Variants in PRUNE2 observed in about 807,000 individuals in gnomAD.
PRUNE2 encodes protein prune homolog 2.
In PRUNE2, 164 loss-of-function variants were observed where a neutral mutation model predicts 252.0. That is an observed-to-expected ratio of 0.65 (90% confidence interval 0.57 to 0.74). PRUNE2 has a LOEUF of 0.74. Among genes scored for constraint, PRUNE2 ranks in the 30% least tolerant of loss-of-function variants. The pLI, the probability that PRUNE2 is intolerant of heterozygous loss-of-function variation, is 0.00. For missense variants in PRUNE2, 3,495 were observed against 3,711.0 expected (o/e 0.94, Z 1.51); for synonymous variants, 1,292 against 1,350.2 (o/e 0.96, Z 0.94).
chr9:76,644,626 T>C, intron 12 of PRUNE2, 113 bp downstream of exon 12: 2 of 956,216 alleles, frequency 2.1e-6, no homozygotes. Flanking sequence ...ATATTGGCTC[T>C]AGAATAGGGT....
intron 5 of PRUNE2, among the ~76,000 whole-genome samples, chr9:76,824,807 G>A (rs2131985720): frequency 6.6e-6 from 1 of 152,210 alleles, no homozygotes; most frequent in Non-Finnish European, 1.5e-5. Flanking sequence ...GAAACAGACA[G>A]GCACTAAATA....
chr9:76,739,395 C>T (rs533994609), intron 6 of PRUNE2: 41 of 152,096 alleles, frequency 2.7e-4, no homozygotes, highest in African/African-American at 9.4e-4. Flanking sequence ...ATAAATGACA[C>T]TATTAATAGT....
At chr9:76,870,976 T>C (rs1486184729) in intron 1 of PRUNE2, among the ~76,000 whole-genome samples, 6 of 152,234 alleles carry the variant, frequency 3.9e-5, no homozygotes, top group African/African-American at 1.2e-4. Context: ...GCAGCTACTA[T>C]GGATCATGTT....
chr9:76,874,416 G>T (rs2061377137), intron 1 of PRUNE2, among the ~76,000 whole-genome samples: 1 of 152,014 alleles, frequency 6.6e-6, no homozygotes, highest in South Asian at 2.1e-4. Flanking sequence ...TGTTACCGAT[G>T]GAAAGAAGAC....
intron 9 of PRUNE2, among the ~76,000 whole-genome samples, chr9:76,694,005 T>G (rs2045106093): frequency 6.6e-6 from 1 of 152,076 alleles, no homozygotes; most frequent in Admixed American, 6.6e-5. Context: ...AAAAATAACT[T>G]CGGAGCTGGT....
intron 11 of PRUNE2, among the ~76,000 whole-genome samples, chr9:76,645,375 A>G (rs979290273): frequency 6.6e-6 from 1 of 152,156 alleles, no homozygotes; most frequent in Non-Finnish European, 1.5e-5. Context: ...AATCGTGATG[A>G]TACTACAAGC....
intron 1 of PRUNE2, among the ~76,000 whole-genome samples, chr9:76,885,898 G>A (rs191379849): frequency 1.7e-3 from 253 of 152,060 alleles, no homozygotes; most frequent in African/African-American, 5.6e-3. Flanking sequence ...TATGCAATGC[G>A]GCCGGGTGCG....
At position 76,657,990 on chromosome 9, in the gene PRUNE2, C is replaced by T. The variant is rs1018281552; in HGVS notation, c.8277-2488G>A. 3.9e-5 allele frequency among the ~76,000 whole-genome samples: 6 copies of T among 152,122 alleles called. No homozygotes were observed. In the East Asian group the frequency reaches 5.8e-4, roughly 15 times the overall value. ...TTCTTCCCCCTGTGTTAGCATGCAC[C>T]GGGGGAAGAAAAATGCTGAAGGCTG... On this transcript the variant is annotated intron_variant, in intron 9 of 18. Coordinates refer to ENST00000376718, the MANE Select transcript of PRUNE2 (RefSeq NM_015225.3).
chr9:76,825,591 T>G (rs1021099503), intron 5 of PRUNE2, among the ~76,000 whole-genome samples: 2 of 152,244 alleles, frequency 1.3e-5, no homozygotes, highest in African/African-American at 4.8e-5. Context: ...TAAAGACATA[T>G]AGGCTGGGTT....
chr9:76,700,213 AAG>A (rs1564073804), intron 9 of PRUNE2: 1 of 152,250 alleles, frequency 6.6e-6, no homozygotes, highest in Non-Finnish European at 1.5e-5. Context: ...TTTGGCAGCT[AAG>A]AGAGGCTGAG....
chr9:76,804,325 C>G (rs1352066186), intron 6 of PRUNE2, among the ~76,000 whole-genome samples: 1 of 152,218 alleles, frequency 6.6e-6, no homozygotes, highest in Non-Finnish European at 1.5e-5. Flanking sequence ...GCCCCCGCCC[C>G]CTTCCTCACA....
At chr9:76,629,511 A>G (rs1037035567) in intron 15 of PRUNE2, among the ~76,000 whole-genome samples, 12 of 151,782 alleles carry the variant, frequency 7.9e-5, no homozygotes, top group East Asian at 3.9e-4. Context: ...TTAAATTGCC[A>G]TGTAAAAAAG....
intron 6 of PRUNE2, among the ~76,000 whole-genome samples, chr9:76,719,122 A>T (rs912497030): frequency 6.9e-6 from 1 of 145,170 alleles, no homozygotes; most frequent in Non-Finnish European, 1.5e-5. Flanking sequence ...GCTTTATTTT[A>T]TTTTTTTTCC....
At chr9:76,855,828 A>G (rs111923633) in intron 1 of PRUNE2, among the ~76,000 whole-genome samples, 4,668 of 152,148 alleles carry the variant, frequency 0.031, 180 homozygotes, top group African/African-American at 0.089. Context: ...TTCCTCTCCC[A>G]GTTTCCTTCC....
chr9:76,774,450 C>CTTTTTTTTTTTTTTTTTTTTT (rs869289049), intron 6 of PRUNE2, among the ~76,000 whole-genome samples: 14 of 41,376 alleles, frequency 3.4e-4, no homozygotes, highest in Non-Finnish European at 4.3e-4. Context: ...CAGTTCAACC[C>CTTTTTTTTTTTTTTTTTTTTT]TTTTTTTTTT....
chr9:76,814,060 C>T (rs1196353074), intron 6 of PRUNE2, among the ~76,000 whole-genome samples: 1 of 152,158 alleles, frequency 6.6e-6, no homozygotes, highest in Non-Finnish European at 1.5e-5. Context: ...GTGATCCACC[C>T]GCCTCGGCCT....
chr9:76,632,737 A>AT lies in PRUNE2; in HGVS notation c.9051-3448dup, dbSNP rs199854181. ...GCTGCCTAGCTAAATTTAAAAAAAA[A>AT]TTTTCCAGAGTCAGGATCTCCCTAT... On this transcript the variant is annotated intron_variant, in intron 15 of 18. Transcript: ENST00000376718. Among the ~76,000 whole-genome samples, 819 of 152,128 alleles carry AT rather than the reference A, an allele frequency of 5.4e-3. 5 individuals carry two copies. Among genetic ancestry groups the AT allele is most frequent in the African/African-American group, 0.019 (800 of 41,488 alleles).
rs753479581 is a variant in PRUNE2 at position 76,827,148 on chromosome 9, C to CTTATTA, written c.509-417_509-416insTAATAA. 6.5e-3 allele frequency among the ~76,000 whole-genome samples: 994 copies of CTTATTA among 152,272 alleles called. 9 individuals carry two copies. Among genetic ancestry groups the CTTATTA allele is most frequent in the African/African-American group, 0.021 (880 of 41,562 alleles). ...AGGACCAGAAAGAATACTGTTTCCA[C>CTTATTA]TCATTATATTATTAATTTTACATAC... On this transcript the variant is annotated intron_variant, in intron 4 of 18. Transcript: ENST00000376718.
chr9:76,634,329 C>T (rs1564390784), intron 15 of PRUNE2, among the ~76,000 whole-genome samples: 3 of 152,146 alleles, frequency 2.0e-5, no homozygotes, highest in African/African-American at 7.2e-5. Flanking sequence ...CTTACAGTAA[C>T]AAATGTTTTC....
Sources: allele counts gnomAD v4.1 joint callset (sites outside exome capture counted in the v4.1 genomes callset), GRCh38; gene constraint gnomAD v4.1.1; transcripts MANE v1.5; gene names NCBI Gene and HGNC (gene_info 2026-07-23, HGNC 2026-07-21).